PZP: variants seen among roughly 807,000 people sequenced by gnomAD.
The protein encoded by PZP is pregnancy zone protein.
PZP carries 150 observed loss-of-function variants against 179.8 expected under a neutral mutation model. The observed-to-expected ratio is 0.83, with a 90% CI of 0.73 to 0.96. The LOEUF (loss-of-function observed/expected upper bound fraction) is 0.96, where lower values mean the gene tolerates loss of function less well. PZP is among the 40% of genes least tolerant of loss of function. PZP has a pLI of 0.00. For missense variants in PZP, 1,689 were observed against 1,764.0 expected (o/e 0.96, Z 0.76); for synonymous variants, 624 against 652.3 (o/e 0.96, Z 0.66).
intron 23 of PZP, among the ~76,000 whole-genome samples, 163 bp from the exon 24 acceptor site, chr12:9,160,653 G>A (rs1218371024): frequency 7.2e-5 from 11 of 152,056 alleles, no homozygotes; most frequent in Non-Finnish European, 1.2e-4. Context: ...AGCAGCTATC[G>A]CCTGTAATCC....
chr12:9,175,554 A>G (rs928730308), intron 15 of PZP, among the ~76,000 whole-genome samples: 1 of 152,206 alleles, frequency 6.6e-6, no homozygotes, highest in Non-Finnish European at 1.5e-5. Flanking sequence ...AATTTTCCCA[A>G]TCTAACCACC....
chr12:9,192,859 A>C (rs572696128), intron 11 of PZP, 120 bp from the exon 12 acceptor site: 5 of 617,010 alleles, frequency 8.1e-6, no homozygotes, highest in Admixed American at 6.0e-5. Flanking sequence ...CCTCTCCCTC[A>C]TACTGGTCGA....
rs759642760 is a variant in PZP, at chr12:9,160,506, G to A, written c.2873-16C>T. The stretch of plus-strand genomic sequence containing the variant: ...AATATGTCACCTGGGGAATGTGAAA[G>A]ATTAGATGTCAGAATAATTTCAGTT... On this transcript the variant is annotated splice_polypyrimidine_tract_variant and intron_variant, in intron 23 of 35. Transcript: ENST00000261336. 26 of 1,603,640 alleles carry A rather than the reference G, an allele frequency of 1.6e-5. No homozygotes were observed. The highest frequency in any genetic ancestry group is 2.0e-5 in the Non-Finnish European group (24 of 1,175,298).
Position 9,157,299 on chromosome 12 carries a change from C to T in PZP, c.3426G>A (p.Lys1142=). 2 of 1,614,046 alleles carry T rather than the reference C, an allele frequency of 1.2e-6. No homozygotes were observed. Among genetic ancestry groups the T allele is most frequent in the Non-Finnish European group, 1.7e-6 (2 of 1,179,968 alleles). Residue 1142 remains lysine, a synonymous_variant, in exon 28 of 36, where the codon AAG becomes AAA. Transcript: ENST00000261336. ...FCLESAWNVA[K]EGTHGSHVYT... ...AGACATGGCTCCCATGGGTCCCCTCCTTTGCTACATTCCAGGCTGACTCCA... is the reference window on the plus strand; with the variant it reads ...AGACATGGCTCCCATGGGTCCCCTCTTTTGCTACATTCCAGGCTGACTCCA...
At chr12:9,174,507 G>A (rs759830054) in intron 15 of PZP, among the ~76,000 whole-genome samples, 57 of 152,198 alleles carry the variant, frequency 3.7e-4, no homozygotes, top group Admixed American at 7.8e-4. Context: ...AAGTGTATTC[G>A]AATAGGAAGA....
chr12:9,166,031 G>GA, intron 18 of PZP, 21 bp downstream of exon 18: 1 of 1,585,016 alleles, frequency 6.3e-7, no homozygotes, highest in South Asian at 1.2e-5. Context: ...CCAGCAAATG[G>GA]AGGAAAGTAA....
downstream of PZP, among the ~76,000 whole-genome samples, chr12:9,147,056 C>G (rs1237230977): frequency 6.6e-6 from 1 of 152,204 alleles, no homozygotes; most frequent in Non-Finnish European, 1.5e-5. Flanking sequence ...ACTGTGCAGA[C>G]TCATCTGAGC....
chr12:9,165,766 G>A (rs780387779), intron 18 of PZP, among the ~76,000 whole-genome samples: 1 of 152,196 alleles, frequency 6.6e-6, no homozygotes, highest in Non-Finnish European at 1.5e-5. Context: ...GATATTTACA[G>A]AAGGCTCCCT....
intron 10 of PZP, 105 bp from the exon 11 acceptor site, chr12:9,194,343 C>G (rs747048299): frequency 4.6e-6 from 5 of 1,085,602 alleles, no homozygotes; most frequent in African/African-American, 1.6e-5. Context: ...ACAACCTCCC[C>G]CTCAAAAAAA....
intron 22 of PZP, 38 bp downstream of exon 22, chr12:9,162,559 G>A: frequency 6.9e-7 from 1 of 1,458,888 alleles, no homozygotes; most frequent in Non-Finnish European, 9.5e-7. Context: ...CCCCTTTGTG[G>A]TTTTGATCTC....
intron 13 of PZP, among the ~76,000 whole-genome samples, chr12:9,190,209 C>A (rs1207791615): frequency 2.6e-5 from 4 of 151,904 alleles, no homozygotes; most frequent in Non-Finnish European, 5.9e-5. Flanking sequence ...TCATTGCAAC[C>A]CTGTTGCAAT....
At chr12:9,152,349 G>C in intron 31 of PZP, 39 bp from the exon 32 acceptor site, 1 of 1,484,262 alleles carries the variant, frequency 6.7e-7, no homozygotes, top group Non-Finnish European at 9.4e-7. Flanking sequence ...GGTTTTATAC[G>C]TGAAAGAAAG....
intron 15 of PZP, among the ~76,000 whole-genome samples, chr12:9,177,035 C>CAG (rs2120909767): frequency 6.6e-6 from 1 of 152,290 alleles, no homozygotes; most frequent in South Asian, 2.1e-4. Context: ...TGCTGGGGAT[C>CAG]AGAGGTCAGG....
chr12:9,198,696 A>G (rs1943981962), intron 7 of PZP, among the ~76,000 whole-genome samples: 1 of 152,146 alleles, frequency 6.6e-6, no homozygotes, highest in South Asian at 2.1e-4. Context: ...ATACACAATA[A>G]TTTTGTTTTG....
chr12:9,205,461 T>C (rs1471528054), intron 1 of PZP, among the ~76,000 whole-genome samples: 1 of 152,170 alleles, frequency 6.6e-6, no homozygotes, highest in African/African-American at 2.4e-5. Flanking sequence ...TGCTGTAAGG[T>C]ACATGCATGA....
downstream of PZP, among the ~76,000 whole-genome samples, chr12:9,146,985 G>A (rs1454649073): frequency 6.6e-6 from 1 of 152,156 alleles, no homozygotes; most frequent in African/African-American, 2.4e-5. Context: ...CTAGCAAGGG[G>A]AAGGATTAAT....
downstream of PZP, among the ~76,000 whole-genome samples, chr12:9,146,589 T>C (rs955503451): frequency 6.6e-6 from 1 of 152,226 alleles, no homozygotes; most frequent in Non-Finnish European, 1.5e-5. Flanking sequence ...TGTTGTTGCC[T>C]CTGCATTAGA....
chr12:9,149,118 T>A, intron 35 of PZP, 124 bp from the exon 36 acceptor site: 1 of 839,482 alleles, frequency 1.2e-6, no homozygotes, highest in Non-Finnish European at 2.0e-6. Flanking sequence ...ATGGTAATTA[T>A]TTTAGGTTTA....
chr12:9,178,633 G>C (rs754140896), intron 15 of PZP, among the ~76,000 whole-genome samples: 1 of 152,326 alleles, frequency 6.6e-6, no homozygotes, highest in African/African-American at 2.4e-5. Flanking sequence ...TTGTTTTGCT[G>C]TCACATCTCA....
Sources: gnomAD v4.1 joint callset for allele counts (sites outside exome capture counted in the v4.1 genomes callset) on GRCh38, gnomAD v4.1.1 for gene constraint, MANE v1.5 for transcripts, NCBI Gene and HGNC (gene_info 2026-07-23, HGNC 2026-07-21) for gene names.